Variants in ERC2 observed in about 807,000 individuals in gnomAD.
The protein encoded by ERC2 is ELKS/RAB6-interacting/CAST family member 2, also known as ERC protein 2.
ERC2 carries 42 observed loss-of-function variants against 114.8 expected under a neutral mutation model. The observed-to-expected ratio is 0.37, with a 90% CI of 0.29 to 0.47. The LOEUF (loss-of-function observed/expected upper bound fraction) is 0.47, where lower values mean the gene tolerates loss of function less well. ERC2 is among the 20% of genes least tolerant of loss of function. ERC2 has a pLI of 0.99. For synonymous variants in ERC2, 454 were observed against 425.5 expected (o/e 1.07, Z -0.82); for missense variants, 939 against 1,150.7 (o/e 0.82, Z 2.66).
At chr3:56,095,242 T>G (rs1404310532) in intron 6 of ERC2, among the ~76,000 whole-genome samples, 1 of 151,992 alleles carries the variant, frequency 6.6e-6, no homozygotes, top group Non-Finnish European at 1.5e-5. Flanking sequence ...AAACAAAAAG[T>G]ATTAATATAG....
At chr3:55,898,104 G>A (rs1367757235) in intron 13 of ERC2, among the ~76,000 whole-genome samples, 1 of 152,162 alleles carries the variant, frequency 6.6e-6, no homozygotes, top group Non-Finnish European at 1.5e-5. Flanking sequence ...GGATAGAGAG[G>A]AAATGTGCAA....
intron 12 of ERC2, among the ~76,000 whole-genome samples, chr3:55,975,197 A>C (rs2069488449): frequency 6.6e-6 from 1 of 152,192 alleles, no homozygotes. Flanking sequence ...CTATAAAAAA[A>C]AAAAACATGA....
At chr3:56,114,337 A>G (rs968606211) in intron 6 of ERC2, among the ~76,000 whole-genome samples, 1 of 152,198 alleles carries the variant, frequency 6.6e-6, no homozygotes, top group Non-Finnish European at 1.5e-5. Flanking sequence ...GTCTTCTAAG[A>G]AAAAAGGAAT....
chr3:55,551,002 CAA>C (rs2055157459), intron 17 of ERC2, among the ~76,000 whole-genome samples: 2 of 126,920 alleles, frequency 1.6e-5, no homozygotes, highest in East Asian at 4.5e-4. Context: ...GGTGACAAAG[CAA>C]GACTCCGTCT....
intron 3 of ERC2, among the ~76,000 whole-genome samples, chr3:56,192,431 A>G (rs2047847311): frequency 2.0e-5 from 3 of 152,310 alleles, no homozygotes; most frequent in South Asian, 2.1e-4. Flanking sequence ...TTTATATTCT[A>G]TCCATTTATT....
chr3:55,587,075 T>C (rs2057641710), intron 17 of ERC2, among the ~76,000 whole-genome samples: 1 of 152,264 alleles, frequency 6.6e-6, no homozygotes, highest in Non-Finnish European at 1.5e-5. Flanking sequence ...TTGCAAGTTT[T>C]AAAATTTTAA....
intron 1 of ERC2, among the ~76,000 whole-genome samples, chr3:56,449,253 G>A (rs1389191158): frequency 6.6e-6 from 1 of 151,952 alleles, no homozygotes; most frequent in East Asian, 1.9e-4. Flanking sequence ...GGCAGATTCT[G>A]GAAGACAACT....
At chr3:56,402,964 C>G (rs1020852437) in intron 2 of ERC2, among the ~76,000 whole-genome samples, 1 of 152,140 alleles carries the variant, frequency 6.6e-6, no homozygotes, top group Non-Finnish European at 1.5e-5. Flanking sequence ...TCCCTGGCCT[C>G]GACCCGTTAA....
intron 3 of ERC2, among the ~76,000 whole-genome samples, chr3:56,292,944 A>G (rs995726726): frequency 2.0e-5 from 3 of 152,324 alleles, no homozygotes; most frequent in African/African-American, 2.4e-5. Flanking sequence ...TCTTCATGAC[A>G]CGCCTCTATT....
chr3:56,415,533 A>T (rs2061115894), intron 2 of ERC2, among the ~76,000 whole-genome samples: 1 of 152,230 alleles, frequency 6.6e-6, no homozygotes. Flanking sequence ...AGCCATGAGT[A>T]AGGAAGCACT....
At chr3:56,339,946 C>G (rs539000600) in intron 2 of ERC2, among the ~76,000 whole-genome samples, 2 of 152,208 alleles carry the variant, frequency 1.3e-5, no homozygotes, top group Non-Finnish European at 2.9e-5. Context: ...GATTAGTCTA[C>G]ATACCTCAGA....
intron 6 of ERC2, among the ~76,000 whole-genome samples, chr3:56,110,000 C>A (rs973435761): frequency 6.6e-6 from 1 of 152,106 alleles, no homozygotes; most frequent in African/African-American, 2.4e-5. Flanking sequence ...TCTGCATTAA[C>A]TAAGGAAGAG....
chr3:55,718,702 C>T (rs1051423774), intron 15 of ERC2, among the ~76,000 whole-genome samples: 3 of 152,146 alleles, frequency 2.0e-5, no homozygotes, highest in Admixed American at 6.5e-5. Context: ...CCATGCTCAG[C>T]GGAGTTATTA....
At chr3:55,974,555 C>T (rs1020976084) in intron 12 of ERC2, among the ~76,000 whole-genome samples, 7 of 152,218 alleles carry the variant, frequency 4.6e-5, no homozygotes, top group Non-Finnish European at 5.9e-5. Context: ...TAAAACCCCT[C>T]CTGGAAATAC....
intron 14 of ERC2, among the ~76,000 whole-genome samples, chr3:55,757,103 G>A (rs1458350983): frequency 6.6e-6 from 1 of 152,120 alleles, no homozygotes. Flanking sequence ...AAACTATGGT[G>A]TATGTGGGTA....
chr3:55,798,941 C>T (rs554892406), intron 14 of ERC2, among the ~76,000 whole-genome samples: 1 of 152,198 alleles, frequency 6.6e-6, no homozygotes, highest in African/African-American at 2.4e-5. Context: ...ATTAACTATA[C>T]ATTTTTAAAA....
intron 14 of ERC2, among the ~76,000 whole-genome samples, chr3:55,746,737 G>A (rs1013848481): frequency 2.6e-5 from 4 of 152,234 alleles, no homozygotes; most frequent in African/African-American, 9.6e-5. Context: ...GCGAGGGGCA[G>A]GAAGGTCTGA....
chr3:55,800,391 C>T (rs2070946908), intron 14 of ERC2, among the ~76,000 whole-genome samples: 1 of 152,090 alleles, frequency 6.6e-6, no homozygotes, highest in South Asian at 2.1e-4. Flanking sequence ...ATCCACCTGC[C>T]TCGGCCTACC....
intron 10 of ERC2, chr3:56,003,189 T>C: frequency 1.6e-6 from 2 of 1,257,010 alleles, no homozygotes; most frequent in Non-Finnish European, 2.1e-6. Flanking sequence ...GAAGGAAAGA[T>C]CCAGAAAAAC....
Sources: gnomAD v4.1 joint callset for allele counts (sites outside exome capture counted in the v4.1 genomes callset) on GRCh38, gnomAD v4.1.1 for gene constraint, MANE v1.5 for transcripts, NCBI Gene and HGNC (gene_info 2026-07-23, HGNC 2026-07-21) for gene names.